Variants in NOX4 observed in about 807,000 individuals in gnomAD.
NOX4 encodes kidney oxidase-1.
Under a neutral mutation model 87.6 loss-of-function variants are expected in NOX4, and 69 were observed. That is an observed-to-expected ratio of 0.79 (90% CI 0.65 to 0.96). NOX4 has a LOEUF of 0.96. NOX4 is among the 40% of genes least tolerant of loss of function. NOX4 has a pLI of 0.00. For synonymous variants in NOX4, 275 were observed against 238.2 expected, an observed-to-expected ratio of 1.15 and a Z score of -1.42; for missense variants, 680 against 681.5, an observed-to-expected ratio of 1.00 and a Z score of 0.02.
intron 7 of NOX4, among the ~76,000 whole-genome samples, chr11:89,422,361 C>A (rs1591186613): frequency 6.6e-6 from 1 of 152,212 alleles, no homozygotes; most frequent in East Asian, 1.9e-4. Context: ...ACCAAAGCTC[C>A]TCTTTCAATA....
chr11:89,382,429 G>T (rs1262502305), intron 11 of NOX4, among the ~76,000 whole-genome samples: 1 of 151,342 alleles, frequency 6.6e-6, no homozygotes, highest in Non-Finnish European at 1.5e-5. Flanking sequence ...GATAATTTTT[G>T]TCGTAAAATG....
At chr11:89,546,549 C>G in the NOX4 span, 2 of 152,140 alleles carry the variant, frequency 1.3e-5, no homozygotes, top group Admixed American at 1.3e-4. Context: ...TTTTCAGTTT[C>G]TTATGGTTTC....
chr11:89,378,012 C>G (rs891965116), intron 11 of NOX4, among the ~76,000 whole-genome samples: 16 of 152,176 alleles, frequency 1.1e-4, no homozygotes, highest in Admixed American at 5.2e-4. Flanking sequence ...TCAAATCTCT[C>G]TGATACCACT....
intron 2 of NOX4, among the ~76,000 whole-genome samples, chr11:89,475,373 CAAT>C (rs1946124335): frequency 6.6e-6 from 1 of 151,918 alleles, no homozygotes; most frequent in South Asian, 2.1e-4. Flanking sequence ...CTTAAAAATA[CAAT>C]TTGAAGAATA....
chr11:89,534,081 C>A, the NOX4 span: 4 of 152,244 alleles, frequency 2.6e-5, no homozygotes, highest in Admixed American at 6.5e-5. Flanking sequence ...TAATCCTTCT[C>A]CTTATTCTCC....
intron 2 of NOX4, among the ~76,000 whole-genome samples, chr11:89,474,018 C>A (rs1265110480): frequency 6.6e-6 from 1 of 152,154 alleles, no homozygotes; most frequent in Non-Finnish European, 1.5e-5. Context: ...TTCTGACAAA[C>A]TCTTCACAGA....
intron 2 of NOX4, among the ~76,000 whole-genome samples, chr11:89,465,605 A>G (rs143246400): frequency 0.013 from 2,009 of 152,240 alleles, 27 homozygotes; most frequent in Middle Eastern, 0.051. Flanking sequence ...CAACAGTCTA[A>G]AAGCATTCTA....
intron 6 of NOX4, among the ~76,000 whole-genome samples, chr11:89,437,604 A>G (rs1944143767): frequency 6.6e-6 from 1 of 152,014 alleles, no homozygotes; most frequent in African/African-American, 2.4e-5. Context: ...AATGGTGCTA[A>G]TTTGCTGAAT....
intron 7 of NOX4, among the ~76,000 whole-genome samples, chr11:89,430,383 A>G (rs1363347850): frequency 2.6e-5 from 4 of 152,014 alleles, no homozygotes; most frequent in South Asian, 2.1e-4. Flanking sequence ...GAAATAAAGG[A>G]TATTCAATTA....
the NOX4 span, among the ~76,000 whole-genome samples, chr11:89,522,649 TTAAAA>T: frequency 6.6e-6 from 1 of 152,110 alleles, no homozygotes; most frequent in African/African-American, 2.4e-5. Context: ...AAATAAAAGT[TTAAAA>T]TAAAATAAAA....
At chr11:89,501,346 T>G (rs1472613151), upstream of NOX4, among the ~76,000 whole-genome samples, 1 of 152,040 alleles carries the variant, frequency 6.6e-6, no homozygotes, top group Non-Finnish European at 1.5e-5. Context: ...GATATTAGAT[T>G]GTCCCTCAGA....
intron 6 of NOX4, among the ~76,000 whole-genome samples, chr11:89,438,081 TTAAG>T (rs935363363): frequency 3.8e-4 from 58 of 151,290 alleles, no homozygotes; most frequent in Non-Finnish European, 6.6e-4. Flanking sequence ...GAAATTTGTA[TTAAG>T]TGTCTTCTCT....
chr11:89,563,415 G>A, the NOX4 span, among the ~76,000 whole-genome samples: 2 of 152,062 alleles, frequency 1.3e-5, no homozygotes, highest in African/African-American at 2.4e-5. Flanking sequence ...TCTACATTCC[G>A]AACCTGGGAA....
At chr11:89,336,747 T>C (rs772374246) in intron 16 of NOX4, among the ~76,000 whole-genome samples, 3 of 151,952 alleles carry the variant, frequency 2.0e-5, no homozygotes, top group Non-Finnish European at 4.4e-5. Context: ...TGAAATACTA[T>C]TTACATACCA....
chr11:89,563,935 A>G, the NOX4 span, among the ~76,000 whole-genome samples: 1 of 152,228 alleles, frequency 6.6e-6, no homozygotes, highest in Non-Finnish European at 1.5e-5. Context: ...TTCAATTTTC[A>G]GCTTTTATTC....
the NOX4 span, among the ~76,000 whole-genome samples, chr11:89,582,804 G>A: frequency 2.6e-5 from 4 of 152,136 alleles, no homozygotes; most frequent in East Asian, 3.9e-4. Flanking sequence ...GCTGCTGTTG[G>A]AATTTGTCTC....
chr11:89,438,554 A>AT (rs1944220705), intron 6 of NOX4, among the ~76,000 whole-genome samples: 1 of 89,696 alleles, frequency 1.1e-5, no homozygotes, highest in Non-Finnish European at 1.8e-5. Flanking sequence ...ATAATAATAT[A>AT]CTATATATAA....
rs749320667 is a variant in NOX4, at chr11:89,449,517, C to T, written c.272G>A (p.Ser91Asn). The T allele has an allele frequency of 1.2e-6, 2 of 1,609,970 alleles. No homozygotes were observed. The highest frequency in any genetic ancestry group is 1.7e-6 in the Non-Finnish European group (2 of 1,177,520). ...AYLRGSQKVP[S>N]RRTRRLLDKS... is the part of the protein sequence containing the mutation. ...ATCCAACAATCTCCTGGTTCTCCTG[C>T]TTGGAACCTAAACAAAAATCATTTA... The change falls in exon 4 of 18, where the codon AGC becomes AAC. Residue 91 changes from serine to asparagine, a missense_variant. By Grantham distance (46) the Ser-to-Asn change is conservative. Coordinates refer to ENST00000263317, the MANE Select transcript of NOX4 (RefSeq NM_016931.5).
chr11:89,388,666 C>T (rs1375856427), intron 11 of NOX4, among the ~76,000 whole-genome samples: 3 of 152,158 alleles, frequency 2.0e-5, no homozygotes, highest in African/African-American at 7.2e-5. Flanking sequence ...AAACGTCATT[C>T]ATCCTTAAGG....
Sources: allele counts gnomAD v4.1 joint callset (sites outside exome capture counted in the v4.1 genomes callset), GRCh38; gene constraint gnomAD v4.1.1; transcripts MANE v1.5; gene names NCBI Gene and HGNC (gene_info 2026-07-23, HGNC 2026-07-21).